The following PCDHGB7 variants were observed in gnomAD, a reference collection of about 807,000 sequenced individuals.
PCDHGB7 encodes protocadherin gamma subfamily B, 7.
In PCDHGB7, 37 loss-of-function variants were observed where a neutral mutation model predicts 61.4. The ratio of observed to expected loss-of-function variants is 0.60; its 90% CI spans 0.46 to 0.79. PCDHGB7 has a LOEUF of 0.79. Among genes scored for constraint, PCDHGB7 ranks in the 30% least tolerant of loss-of-function variants. The pLI is 0.00. For synonymous variants in PCDHGB7, 464 were observed against 503.5 expected (o/e 0.92, Z 1.05); for missense variants, 1,166 against 1,202.5 (o/e 0.97, Z 0.45).
chr5:141,426,766 T>C (rs2096958771), intron 1 of PCDHGB7: 1 of 456,532 alleles, frequency 2.2e-6, no homozygotes, highest in South Asian at 1.5e-5. Flanking sequence ...GATGCAGATG[T>C]AGGGCCTCAC....
intron 1 of PCDHGB7, chr5:141,427,739 C>G: frequency 2.4e-6 from 3 of 1,232,634 alleles, no homozygotes; most frequent in Non-Finnish European, 3.5e-6. Context: ...ATGGCCAAGT[C>G]TCCTACTCCA....
At chr5:141,499,021 GAAGGAAGA>G (rs1193940810) in intron 2 of PCDHGB7, among the ~76,000 whole-genome samples, 2 of 140,162 alleles carry the variant, frequency 1.4e-5, no homozygotes, top group East Asian at 2.1e-4. Flanking sequence ...AGGAAGGAAG[GAAGGAAGA>G]AAAGAAAGAA....
rs1298448753 is a variant in PCDHGB7 at position 141,486,417 on chromosome 5, G to A, written c.2416-8390G>A. 1 of 1,614,132 alleles carries A rather than the reference G, an allele frequency of 6.2e-7. No individual in the cohort carries two copies. Among genetic ancestry groups the A allele is most frequent in the Non-Finnish European group, 8.5e-7 (1 of 1,179,998 alleles). ...CTGGTGACTGCTGGACCCTTGGATC[G>A]AGAGGCCAAATCTAGCTATGACATC... On this transcript the variant is annotated intron_variant, in intron 1 of 3. Transcript: ENST00000398594. The surrounding 1 kb of genome is among the most constrained non-coding windows in gnomAD (Gnocchi z 5.0).
At chr5:141,483,555 C>CAG (rs1415499107) in intron 1 of PCDHGB7, among the ~76,000 whole-genome samples, 2 of 152,152 alleles carry the variant, frequency 1.3e-5, no homozygotes, top group African/African-American at 4.8e-5. Flanking sequence ...GTGCCATTCA[C>CAG]AGAGACAGTG....
Position 141,486,632 on chromosome 5 carries a change from A to G in PCDHGB7, c.2416-8175A>G, listed in dbSNP as rs1304397413. The G allele has an allele frequency of 6.2e-7, 1 of 1,613,580 alleles. No individual in the cohort carries two copies. Among genetic ancestry groups the G allele is most frequent in the Non-Finnish European group, 8.5e-7 (1 of 1,180,040 alleles). ...AGCCTCTGACCCAGACTCTGGCTTG[A>G]ATGCGCTTATCTCCTACTCACTCCT... On this transcript the variant is annotated intron_variant, in intron 1 of 3. Coordinates refer to ENST00000398594, the MANE Select transcript of PCDHGB7 (RefSeq NM_018927.4). This position sits in a 1 kb window ranked among gnomAD's most constrained non-coding sequence, Gnocchi z 5.0.
Position 141,418,952 on chromosome 5 carries a change from G to C in PCDHGB7, c.1093G>C (p.Val365Leu), listed in dbSNP as rs1377467334. Residue 365 changes from valine to leucine, a missense_variant, in exon 1 of 4, where the codon GTT becomes CTT. Coordinates refer to ENST00000398594, the MANE Select transcript of PCDHGB7 (RefSeq NM_018927.4). ...TATGGAGGATTCCCCTCCAGGAGTG[G>C]TTGTTGCCCTCTTCAAAACACGGGA... The part of the protein sequence containing the change: ...QIMEDSPPGV[V>L]VALFKTRDQD... 4.3e-6 allele frequency: 7 copies of C among 1,613,932 alleles called. No individual in the cohort carries two copies. Among genetic ancestry groups the C allele is most frequent in the Non-Finnish European group, 5.9e-6 (7 of 1,179,908 alleles).
rs746903142 is a variant in PCDHGB7, at chr5:141,491,667, G to T, written c.2416-3140G>T. ...TGGCGCTGGAGCCTGACGCCATCCG[G>T]TCCCGCTCTAATACGCTGCGGGAGC... On this transcript the variant is annotated intron_variant, in intron 1 of 3. Coordinates refer to ENST00000398594, the MANE Select transcript of PCDHGB7 (RefSeq NM_018927.4). The surrounding 1 kb of genome is among the most constrained non-coding windows in gnomAD (Gnocchi z 6.9). 1.9e-6 allele frequency: 3 copies of T among 1,613,794 alleles called. No individual in the cohort carries two copies. Among genetic ancestry groups the T allele is most frequent in the Admixed American group, 1.7e-5 (1 of 60,032 alleles).
In PCDHGB7 at chr5:141,432,751, G is replaced by A; in HGVS notation, c.2415+12477G>A. The A allele has an allele frequency of 6.2e-7, 1 of 1,614,130 alleles. No homozygotes were observed. Among genetic ancestry groups the A allele is most frequent in the Non-Finnish European group, 8.5e-7 (1 of 1,179,982 alleles). Reference sequence around the variant, plus strand: ...CCACTGTCACGCTCACCGTGGCCGTGGCCGACAGCATCCCCCAAGTCCTGG... The same window carrying A: ...CCACTGTCACGCTCACCGTGGCCGTAGCCGACAGCATCCCCCAAGTCCTGG... On this transcript the variant is annotated intron_variant, in intron 1 of 3. Transcript: ENST00000398594. This position sits in a 1 kb window ranked among gnomAD's most constrained non-coding sequence, Gnocchi z 6.0.
In PCDHGB7 at chr5:141,477,787, C is replaced by A; in HGVS notation, c.2416-17020C>A. The stretch of plus-strand genomic sequence containing the variant: ...CCAACATCAGCGTGAACATATTTGT[C>A]ACTGATCGCAATGACAATGCCCCCC... On this transcript the variant is annotated intron_variant, in intron 1 of 3. Transcript: ENST00000398594. The surrounding 1 kb of genome is among the most constrained non-coding windows in gnomAD (Gnocchi z 4.9). The A allele has an allele frequency of 6.2e-7, 1 of 1,614,092 alleles. No homozygotes were observed. The highest frequency in any genetic ancestry group is 8.5e-7 in the Non-Finnish European group (1 of 1,180,034).
At position 141,433,142 on chromosome 5, in the gene PCDHGB7, G is replaced by T. The variant is rs2097571106; in HGVS notation, c.2415+12868G>T. On this transcript the variant is annotated intron_variant, in intron 1 of 3. Coordinates refer to ENST00000398594, the MANE Select transcript of PCDHGB7 (RefSeq NM_018927.4). ...AAAAAGCGAGCCCCTTTTGCTGTCA[G>T]GTGATTCGGTATTTTCTAAAGACAG... The T allele has an allele frequency of 4.7e-5, 76 of 1,613,992 alleles. No homozygotes were observed. Among genetic ancestry groups the T allele is most frequent in the Non-Finnish European group, 6.4e-5 (76 of 1,180,016 alleles).
At position 141,421,580 on chromosome 5, in the gene PCDHGB7, A is replaced by G. The variant is rs375319424; in HGVS notation, c.2415+1306A>G. ...CTCGTGGAAGACACCTTGAAGATTT[A>G]CGGAGTGGAGGTGGAAATAATAGAT... On this transcript the variant is annotated intron_variant, in intron 1 of 3. Transcript: ENST00000398594. The G allele has an allele frequency of 1.1e-5, 17 of 1,613,782 alleles. No individual in the cohort carries two copies. In the East Asian group the frequency reaches 2.7e-4, roughly 25 times the overall value.
intron 1 of PCDHGB7, chr5:141,422,541 T>G: frequency 6.2e-7 from 1 of 1,613,992 alleles, no homozygotes; most frequent in Non-Finnish European, 8.5e-7. Context: ...CAGAAACTCA[T>G]GTCTGGCTGA....
chr5:141,497,414 C>A (rs1021294577), intron 2 of PCDHGB7, among the ~76,000 whole-genome samples: 34 of 152,066 alleles, frequency 2.2e-4, no homozygotes, highest in Admixed American at 2.0e-3. Flanking sequence ...CCCATTCCAT[C>A]AAATGAGAGG....
chr5:141,435,593 G>T (rs183768133), intron 1 of PCDHGB7, among the ~76,000 whole-genome samples: 1 of 152,112 alleles, frequency 6.6e-6, no homozygotes, highest in East Asian at 1.9e-4. Flanking sequence ...CAGTAATATC[G>T]CCTGCTTTTT....
intron 1 of PCDHGB7, chr5:141,433,018 T>C: frequency 6.2e-7 from 1 of 1,614,120 alleles, no homozygotes. Flanking sequence ...TGCAGACCTA[T>C]TCCCACGAGG....
intron 1 of PCDHGB7, among the ~76,000 whole-genome samples, chr5:141,472,280 A>G (rs988007394): frequency 6.6e-6 from 1 of 152,276 alleles, no homozygotes; most frequent in African/African-American, 2.4e-5. Context: ...AGTGGCTCAC[A>G]CCTGTAATCC....
At position 141,418,347 on chromosome 5, in the gene PCDHGB7, G is replaced by C; in HGVS notation, c.488G>C (p.Ser163Thr). The change falls in exon 1 of 4, where the codon AGT becomes ACT. Residue 163 changes from serine (S) to threonine (T), a missense_variant. Ser to Thr is a moderately conservative substitution (Grantham distance 58). Transcript: ENST00000398594. ...GAGTCTGCAGAAGATCCTGATATTA[G>C]TATGAATTCGCTGAGCAAATACCAA... ...ILESAEDPDI[S>T]MNSLSKYQLS... 6.2e-7 allele frequency: 1 copy of C among 1,614,024 alleles called. No homozygotes were observed. Among genetic ancestry groups the C allele is most frequent in the Non-Finnish European group, 8.5e-7 (1 of 1,179,902 alleles).
Position 141,489,084 on chromosome 5 carries a change from C to CCG in PCDHGB7, c.2416-5723_2416-5722insCG. On this transcript the variant is annotated intron_variant, in intron 1 of 3. Coordinates refer to ENST00000398594, the MANE Select transcript of PCDHGB7 (RefSeq NM_018927.4). The surrounding 1 kb of genome is among the most constrained non-coding windows in gnomAD (Gnocchi z 4.5). ...CTCCCCCCTGCCCACCCCCGCCACT[C>CCG]GGTGACTAAGAACTGCTGCAAGCAG... 9.1e-6 allele frequency: 3 copies of CCG among 329,130 alleles called. No individual in the cohort carries two copies. The highest frequency in any genetic ancestry group is 5.4e-6 in the Non-Finnish European group (1 of 186,464). The allele number at this position is 329,130 out of a possible 1,614,324, so 20.4% of individuals were successfully genotyped here. A position where few individuals can be genotyped will look rare whatever the true frequency, so the allele number is the denominator to read the frequency against.
chr5:141,465,343 T>A (rs1221229916), intron 1 of PCDHGB7, among the ~76,000 whole-genome samples: 1 of 152,118 alleles, frequency 6.6e-6, no homozygotes, highest in Non-Finnish European at 1.5e-5. Flanking sequence ...TATTGGTTAC[T>A]GAAGAAAAAA....
Sources: allele counts gnomAD v4.1 joint callset (sites outside exome capture counted in the v4.1 genomes callset), GRCh38; gene constraint gnomAD v4.1.1; non-coding constraint Gnocchi (gnomAD v3.1); transcripts MANE v1.5; gene names NCBI Gene and HGNC (gene_info 2026-07-23, HGNC 2026-07-21).